The following TUBGCP4 variants were observed in gnomAD, a reference collection of about 807,000 sequenced individuals.
TUBGCP4 encodes the protein gamma-tubulin complex component 4.
A neutral mutation model predicts 91.6 loss-of-function variants in TUBGCP4; 54 were observed. That is an observed-to-expected ratio of 0.59 (90% confidence interval 0.47 to 0.74). The LOEUF is 0.74. Ranked by LOEUF, TUBGCP4 falls within the 30% of genes least tolerant of loss-of-function variation. The pLI is 0.00. For missense variants in TUBGCP4, 593 were observed against 800.9 expected, an observed-to-expected ratio of 0.74 and a Z score of 3.13; for synonymous variants, 297 against 302.8, an observed-to-expected ratio of 0.98 and a Z score of 0.20.
At chr15:43,377,098 A>C (rs2044217491) in intron 4 of TUBGCP4, 31 bp downstream of exon 4, 1 of 1,570,530 alleles carries the variant, frequency 6.4e-7, no homozygotes, top group African/African-American at 1.3e-5. Context: ...AATGCCTTGC[A>C]ATCTGTTGAT....
At chr15:43,380,956 G>A (rs1033154977) in intron 6 of TUBGCP4, among the ~76,000 whole-genome samples, 2 of 151,918 alleles carry the variant, frequency 1.3e-5, no homozygotes, top group Non-Finnish European at 2.9e-5. Flanking sequence ...ACTCTGTTTT[G>A]TTCTTTTTTT....
intron 1 of TUBGCP4, among the ~76,000 whole-genome samples, chr15:43,372,313 A>G (rs558774664): frequency 6.6e-6 from 1 of 152,322 alleles, no homozygotes; most frequent in African/African-American, 2.4e-5. Flanking sequence ...ACTGTGGAAG[A>G]GCAGAAAAAG....
chr15:43,401,901 C>T (rs1205936377), intron 15 of TUBGCP4, 51 bp downstream of exon 15: 2 of 1,590,106 alleles, frequency 1.3e-6, no homozygotes. Flanking sequence ...CTGACCATTC[C>T]CTTAGGCAGT....
chr15:43,402,991 T>A (rs1452736044), intron 15 of TUBGCP4: 2 of 152,222 alleles, frequency 1.3e-5, no homozygotes, highest in African/African-American at 4.8e-5. Context: ...CAAGAACTAC[T>A]GTGATGGGTA....
intron 15 of TUBGCP4, 38 bp from the exon 16 acceptor site, chr15:43,403,645 T>TC (rs1238001715): frequency 6.9e-7 from 1 of 1,442,678 alleles, no homozygotes; most frequent in South Asian, 1.2e-5. Flanking sequence ...GGATGTACCT[T>TC]CCTTCCTTTC....
In TUBGCP4 at chr15:43,408,718, G is replaced by C. The variant is rs918897089; in HGVS notation, c.*3504G>C. 1 of 619,546 alleles carries C rather than the reference G, an allele frequency of 1.6e-6. No individual in the cohort carries two copies. Among genetic ancestry groups the C allele is most frequent in the Non-Finnish European group, 2.8e-6 (1 of 357,456 alleles). 38.4% of individuals were successfully genotyped at this position (619,546 alleles called of 1,614,324 possible). A position where few individuals can be genotyped will look rare whatever the true frequency, so the allele number is the denominator to read the frequency against. ...TTCACACATTTGCAAAAGGTTCCTA[G>C]CCAATGTAACCTAGGGAAATAAACT... is the stretch of plus-strand genomic sequence containing the variant. On this transcript the variant is annotated 3_prime_UTR_variant, in exon 18 of 18. Coordinates refer to ENST00000564079, the MANE Select transcript of TUBGCP4 (RefSeq NM_014444.5).
chr15:43,380,116 C>T lies in TUBGCP4; in HGVS notation c.474C>T (p.Tyr158=). The part of the protein sequence containing the change: ...IHGCQILETV[Y]KHSCGGLPPV... ...GTTGTCAAATCCTGGAAACAGTCTA[C>T]AAACACAGCTGTGGGGGGTTGCCTC... The change falls in exon 6 of 18, where the codon TAC becomes TAT. Residue 158 remains tyrosine, a synonymous_variant. Coordinates refer to ENST00000564079, the MANE Select transcript of TUBGCP4 (RefSeq NM_014444.5). 1 of 1,614,110 alleles carries T rather than the reference C, an allele frequency of 6.2e-7. No homozygotes were observed.
At chr15:43,392,413 A>G (rs2601019) in intron 9 of TUBGCP4, among the ~76,000 whole-genome samples, 1 of 152,104 alleles carries the variant, frequency 6.6e-6, no homozygotes, top group Non-Finnish European at 1.5e-5. Context: ...GTTGGAGAAC[A>G]TAGTCTGAAT....
At chr15:43,388,843 A>G (rs192530714) in intron 9 of TUBGCP4, among the ~76,000 whole-genome samples, 6 of 152,308 alleles carry the variant, frequency 3.9e-5, no homozygotes, top group African/African-American at 1.4e-4. Context: ...CCTGAAGGAA[A>G]AGGGGGGAGT....
At chr15:43,399,376 T>A (rs1200425188) in intron 13 of TUBGCP4, among the ~76,000 whole-genome samples, 1 of 152,202 alleles carries the variant, frequency 6.6e-6, no homozygotes, top group Non-Finnish European at 1.5e-5. Context: ...CATAACACAC[T>A]ATTTTTTTTG....
rs141932419 is a variant in TUBGCP4, at chr15:43,378,752, C to T, written c.441+849C>T. Among the ~76,000 whole-genome samples, 1,255 of 152,328 alleles carry T rather than the reference C, an allele frequency of 8.2e-3. 18 individuals are homozygous for T. The highest frequency in any genetic ancestry group is 0.029 in the African/African-American group (1,187 of 41,580). Reference sequence around the variant, plus strand: ...AATAACAACATCCAGCTTTTACTGTCACTGGCTGTGTACTAGGCACTGTGC... The same window carrying T: ...AATAACAACATCCAGCTTTTACTGTTACTGGCTGTGTACTAGGCACTGTGC... On this transcript the variant is annotated intron_variant, in intron 5 of 17. Transcript: ENST00000564079.
chr15:43,376,956 A>G, intron 3 of TUBGCP4, 58 bp from the exon 4 acceptor site: 1 of 1,388,232 alleles, frequency 7.2e-7, no homozygotes, highest in African/African-American at 1.4e-5. Context: ...ATTTTCATAG[A>G]TCAAATAGAT....
At chr15:43,373,883 A>ATCTCGTGATCCGCCCACCTCGGCCTC (rs2044162192) in intron 1 of TUBGCP4, among the ~76,000 whole-genome samples, 1 of 151,904 alleles carries the variant, frequency 6.6e-6, no homozygotes, top group African/African-American at 2.4e-5. Context: ...CGATCTCCTG[A>ATCTCGTGATCCGCCCACCTCGGCCTC]CCTCGTGATC....
At position 43,395,834 on chromosome 15, in the gene TUBGCP4, C is replaced by G. The variant is rs188339175; in HGVS notation, c.1171+146C>G. The G allele has an allele frequency of 5.9e-6, 4 of 673,024 alleles. No homozygotes were observed. The East Asian group carries it at 1.0e-4, about 17-fold the overall frequency. The allele number at this position is 673,024 out of a possible 1,614,324, so 41.7% of individuals were successfully genotyped here. Reference sequence around the variant, plus strand: ...GGCTTCCAGAGATGGAAGGCTCTTGCAGGTAGGCTTCATGCTGGGGTCATT... The same window carrying G: ...GGCTTCCAGAGATGGAAGGCTCTTGGAGGTAGGCTTCATGCTGGGGTCATT... On this transcript the variant is annotated intron_variant, in intron 11 of 17. Transcript: ENST00000564079.
In TUBGCP4 at chr15:43,407,271, C is replaced by CT. The variant is rs2044932894; in HGVS notation, c.*2058dup. The CT allele has an allele frequency of 1.2e-6, 1 of 869,134 alleles. No homozygotes were observed. The highest frequency in any genetic ancestry group is 2.5e-5 in the Admixed American group (1 of 40,700). 53.8% of individuals were successfully genotyped at this position (869,134 alleles called of 1,614,324 possible). ...TATCATAAAAGTTCAGCAAATAAAA[C>CT]TATATACAAGATCCATGCAAGGAAT... On this transcript the variant is annotated 3_prime_UTR_variant, in exon 18 of 18. Transcript: ENST00000564079.
rs1275019873 is a variant in TUBGCP4 at position 43,408,198 on chromosome 15, TCAGA to T, written c.*2987_*2990del. 3 of 1,107,238 alleles carry T rather than the reference TCAGA, an allele frequency of 2.7e-6. No individual in the cohort carries two copies. The African/African-American group carries it at 4.7e-5, about 17-fold the overall frequency. 68.6% of individuals were successfully genotyped at this position (1,107,238 alleles called of 1,614,324 possible). On this transcript the variant is annotated 3_prime_UTR_variant, in exon 18 of 18. Coordinates refer to ENST00000564079, the MANE Select transcript of TUBGCP4 (RefSeq NM_014444.5). Reference sequence around the variant, plus strand: ...AATGCTTTCAAAAATAAATGCCCCATCAGACATAGTGTCTCAAGCCTGTAATCCC... The same window carrying T: ...AATGCTTTCAAAAATAAATGCCCCATCATAGTGTCTCAAGCCTGTAATCCC...
Position 43,405,317 on chromosome 15 carries a change from T to A in TUBGCP4, c.*103T>A. 7.4e-7 allele frequency: 1 copy of A among 1,342,826 alleles called. No individual in the cohort carries two copies. Among genetic ancestry groups the A allele is most frequent in the Non-Finnish European group, 1.1e-6 (1 of 940,480 alleles). 83.2% of individuals were successfully genotyped at this position (1,342,826 alleles called of 1,614,324 possible). A position where few individuals can be genotyped will look rare whatever the true frequency, so the allele number is the denominator to read the frequency against. ...CCACACACAAATAAATATCTGCGGC[T>A]TAGTGATAGGACTCTACCTTTTCTC... On this transcript the variant is annotated 3_prime_UTR_variant, in exon 18 of 18. Coordinates refer to ENST00000564079, the MANE Select transcript of TUBGCP4 (RefSeq NM_014444.5).
chr15:43,390,512 TTTC>T (rs1330739758), intron 9 of TUBGCP4, among the ~76,000 whole-genome samples: 1 of 131,296 alleles, frequency 7.6e-6, no homozygotes, highest in African/African-American at 4.0e-5. Flanking sequence ...TTTTTTCTTT[TTTC>T]TTTTTTTTTT....
intron 1 of TUBGCP4, among the ~76,000 whole-genome samples, chr15:43,372,309 G>A (rs903377652): frequency 2.0e-5 from 3 of 152,122 alleles, no homozygotes; most frequent in African/African-American, 7.2e-5. Context: ...GGAGACTGTG[G>A]AAGAGCAGAA....
Sources: allele counts gnomAD v4.1 joint callset (sites outside exome capture counted in the v4.1 genomes callset), GRCh38; gene constraint gnomAD v4.1.1; transcripts MANE v1.5; gene names NCBI Gene and HGNC (gene_info 2026-07-23, HGNC 2026-07-21).